ONECUT1: variants seen among roughly 807,000 people sequenced by gnomAD.
ONECUT1 encodes the protein one cut homeobox 1, also known as hepatocyte nuclear factor 6.
ONECUT1 carries 12 observed loss-of-function variants against 25.6 expected under a neutral mutation model. The observed-to-expected ratio is 0.47, with a 90% CI of 0.30 to 0.76. The LOEUF is 0.76. Among genes scored for constraint, ONECUT1 ranks in the 30% least tolerant of loss-of-function variants. ONECUT1 has a pLI of 0.07. For missense variants in ONECUT1, 620 were observed against 651.2 expected (o/e 0.95, Z 0.52); for synonymous variants, 285 against 270.2 (o/e 1.05, Z -0.54).
intron 1 of ONECUT1, among the ~76,000 whole-genome samples, chr15:52,777,998 A>C (rs1475740205): frequency 6.6e-6 from 1 of 152,228 alleles, no homozygotes; most frequent in African/African-American, 2.4e-5. Flanking sequence ...CTTAAATGAC[A>C]ATAGAGTATG....
intron 1 of ONECUT1, among the ~76,000 whole-genome samples, chr15:52,778,451 G>A (rs2083818507): frequency 6.6e-6 from 1 of 152,192 alleles, no homozygotes; most frequent in Non-Finnish European, 1.5e-5. Flanking sequence ...CCAAAGGGTA[G>A]AATTGCTAGA....
intron 1 of ONECUT1, among the ~76,000 whole-genome samples, 174 bp from the exon 2 acceptor site, chr15:52,758,021 T>C (rs1007102206): frequency 7.9e-5 from 12 of 152,132 alleles, no homozygotes; most frequent in Non-Finnish European, 1.6e-4. Context: ...GAATGGAGAA[T>C]TGGGATACAG....
intron 1 of ONECUT1, among the ~76,000 whole-genome samples, chr15:52,767,257 CAG>C (rs1268231703): frequency 1.3e-5 from 2 of 152,230 alleles, no homozygotes; most frequent in Admixed American, 6.5e-5. Context: ...TATGGGGAAA[CAG>C]AGAACCATAC....
chr15:52,758,551 C>G (rs560055413), intron 1 of ONECUT1, among the ~76,000 whole-genome samples: 1 of 152,290 alleles, frequency 6.6e-6, no homozygotes, highest in East Asian at 1.9e-4. Flanking sequence ...GACATTGAGA[C>G]TAAACCTGCC....
intron 1 of ONECUT1, among the ~76,000 whole-genome samples, chr15:52,762,918 G>T (rs1264938924): frequency 6.6e-6 from 1 of 152,092 alleles, no homozygotes; most frequent in African/African-American, 2.4e-5. Context: ...ATTACCCATT[G>T]TAAGGTAGGA....
At chr15:52,763,037 A>G (rs2083714779) in intron 1 of ONECUT1, among the ~76,000 whole-genome samples, 1 of 152,234 alleles carries the variant, frequency 6.6e-6, no homozygotes, top group Admixed American at 6.5e-5. Flanking sequence ...TGCTTAGGGA[A>G]GAGCAACACA....
intron 1 of ONECUT1, among the ~76,000 whole-genome samples, chr15:52,776,731 T>C (rs950974900): frequency 2.6e-5 from 4 of 152,236 alleles, no homozygotes; most frequent in African/African-American, 9.6e-5. Flanking sequence ...GCTTCCTCCC[T>C]GTGAGCTCCT....
chr15:52,761,099 G>A (rs371835785), intron 1 of ONECUT1, among the ~76,000 whole-genome samples: 2 of 152,094 alleles, frequency 1.3e-5, no homozygotes, highest in Admixed American at 6.5e-5. Context: ...TGGTCTAGGA[G>A]AGTGGAAATG....
At position 52,778,502 on chromosome 15, in the gene ONECUT1, G is replaced by A. The variant is rs556074151; in HGVS notation, c.1105+10278C>T. ...GTTGAGAAGATGATGCCAAGTCATTGACACTATGTTTTTGTAGTGAAGGTG... is the reference window on the plus strand; with the variant it reads ...GTTGAGAAGATGATGCCAAGTCATTAACACTATGTTTTTGTAGTGAAGGTG... On this transcript the variant is annotated intron_variant, in intron 1 of 1. Transcript: ENST00000305901. Among the ~76,000 whole-genome samples the A allele has an allele frequency of 1.5e-4, 23 of 152,322 alleles. No homozygotes were observed. The South Asian group carries it at 2.9e-3, about 19-fold the overall frequency.
chr15:52,777,247 G>A (rs758049486), intron 1 of ONECUT1, among the ~76,000 whole-genome samples: 3 of 152,098 alleles, frequency 2.0e-5, no homozygotes, highest in African/African-American at 4.8e-5. Context: ...GGAAAAGGGA[G>A]TAAAAATAAG....
intron 1 of ONECUT1, among the ~76,000 whole-genome samples, chr15:52,767,343 C>A (rs1171791417): frequency 6.6e-6 from 1 of 152,202 alleles, no homozygotes; most frequent in Non-Finnish European, 1.5e-5. Context: ...CTTCTCTCCA[C>A]AAGGTTTGTC....
chr15:52,764,856 G>T (rs991622343), intron 1 of ONECUT1, among the ~76,000 whole-genome samples: 1 of 152,222 alleles, frequency 6.6e-6, no homozygotes, highest in Admixed American at 6.5e-5. Flanking sequence ...AGTCTGTGAC[G>T]TCCGAGTCAC....
chr15:52,757,982 T>C (rs1053957640), intron 1 of ONECUT1, 135 bp from the exon 2 acceptor site: 36 of 917,622 alleles, frequency 3.9e-5, no homozygotes, highest in East Asian at 1.5e-4. Flanking sequence ...TTAAGCACCA[T>C]TGGAGGCTGG....
chr15:52,780,959 A>G (rs1437629845), intron 1 of ONECUT1: 1 of 1,117,018 alleles, frequency 9.0e-7, no homozygotes, highest in African/African-American at 1.6e-5. Context: ...AGAAATTGCA[A>G]GATGCCCTCT....
intron 1 of ONECUT1, among the ~76,000 whole-genome samples, chr15:52,771,365 G>A (rs1471613352): frequency 1.3e-5 from 2 of 151,388 alleles, no homozygotes; most frequent in East Asian, 1.9e-4. Flanking sequence ...CTATTCATCC[G>A]ATCTTACAAA....
chr15:52,788,795 C>T lies in ONECUT1; in HGVS notation c.1090G>A (p.Ala364Thr), dbSNP rs1004696880. Residue 364 changes from alanine to threonine, a missense_variant, in exon 1 of 2, where the codon GCG becomes ACG. Physicochemically the swap from Ala to Thr is moderately conservative, Grantham distance 58. This residue lies in a region of ONECUT1 where 146 missense variants were observed against 201.8 expected (regional missense o/e 0.72). Coordinates refer to ENST00000305901, the MANE Select transcript of ONECUT1 (RefSeq NM_004498.4). The surrounding 1 kb of genome is among the most constrained non-coding windows in gnomAD (Gnocchi z 4.3). ...LQEPEFQRMS[A>T]LRLAACKRKE... ...GCCGGCTCACCTGCTAAGCGGAGCG[C>T]GGACATGCGCTGGAACTCCGGCTCC... 1.9e-6 allele frequency: 3 copies of T among 1,611,058 alleles called. No individual in the cohort carries two copies. The East Asian group carries it at 6.7e-5, about 36-fold the overall frequency.
At position 52,789,095 on chromosome 15, in the gene ONECUT1, G is replaced by A. The variant is rs2083897433; in HGVS notation, c.790C>T (p.Leu264Phe). 2.5e-6 allele frequency: 4 copies of A among 1,601,560 alleles called. No individual in the cohort carries two copies. The highest frequency in any genetic ancestry group is 4.5e-5 in the East Asian group (2 of 44,886). ...TTGGGCTCCCGGGCTGTGCCCAGGAGTTGCCCGTGGCCCTGGGCGTTCAGG... is the reference window on the plus strand; with the variant it reads ...TTGGGCTCCCGGGCTGTGCCCAGGAATTGCCCGTGGCCCTGGGCGTTCAGG... Reference protein sequence around the residue: ...AHLNAQGHGQLLGTAREPNPS... With the variant: ...AHLNAQGHGQFLGTAREPNPS... Residue 264 changes from leucine (L) to phenylalanine (F), a missense_variant, in exon 1 of 2, where the codon CTC (leucine) becomes TTC (phenylalanine). Around this residue, in one of 4 missense-constraint regions of ONECUT1, gnomAD observed 440 missense variants for 404.9 expected, o/e 1.09. Coordinates refer to ENST00000305901, the MANE Select transcript of ONECUT1 (RefSeq NM_004498.4). The surrounding 1 kb of genome is among the most constrained non-coding windows in gnomAD (Gnocchi z 4.1).
At chr15:52,761,300 C>T (rs967040910) in intron 1 of ONECUT1, among the ~76,000 whole-genome samples, 2 of 152,144 alleles carry the variant, frequency 1.3e-5, no homozygotes, top group African/African-American at 2.4e-5. Context: ...TAACATGCTC[C>T]GAAAACCTTT....
chr15:52,789,102 G>A lies in ONECUT1; in HGVS notation c.783C>T (p.His261=). The A allele has an allele frequency of 6.2e-7, 1 of 1,601,492 alleles. No individual in the cohort carries two copies. The highest frequency in any genetic ancestry group is 8.5e-7 in the Non-Finnish European group (1 of 1,179,910). ...HPHAHLNAQG[H]GQLLGTAREP... ...CCCGGGCTGTGCCCAGGAGTTGCCC[G>A]TGGCCCTGGGCGTTCAGGTGGGCGT... Residue 261 remains histidine (H), a synonymous_variant, in exon 1 of 2, where the codon CAC becomes CAT. Transcript: ENST00000305901. The surrounding 1 kb of genome is among the most constrained non-coding windows in gnomAD (Gnocchi z 4.1).
Sources: gnomAD v4.1 joint callset for allele counts (sites outside exome capture counted in the v4.1 genomes callset) on GRCh38, gnomAD v4.1.1 for gene constraint, gnomAD v4.1.1 regional missense constraint, Gnocchi (gnomAD v3.1) non-coding constraint, MANE v1.5 for transcripts, NCBI Gene and HGNC (gene_info 2026-07-23, HGNC 2026-07-21) for gene names.